Variants in MGMT observed in about 807,000 individuals in gnomAD.
MGMT encodes the protein O-6-methylguanine-DNA methyltransferase.
MGMT carries 14 observed loss-of-function variants against 15.9 expected under a neutral mutation model. The ratio of observed to expected loss-of-function variants is 0.88; its 90% CI spans 0.58 to 1.37. MGMT has a LOEUF of 1.37. Ranked by LOEUF, MGMT falls within the 40% of genes most tolerant of loss-of-function variation. The pLI, the probability that MGMT is intolerant of heterozygous loss-of-function variation, is 0.00. For missense variants in MGMT, 282 were observed against 268.1 expected, an observed-to-expected ratio of 1.05 and a Z score of -0.36; for synonymous variants, 130 against 118.2, an observed-to-expected ratio of 1.10 and a Z score of -0.65.
At chr10:129,763,939 C>A (rs76704313) in intron 4 of MGMT, among the ~76,000 whole-genome samples, 103 of 152,278 alleles carry the variant, frequency 6.8e-4, no homozygotes, top group African/African-American at 2.5e-3. Flanking sequence ...ATGTCATAGT[C>A]GTCAGAAGCC....
At chr10:129,646,485 C>T (rs939675675) in intron 2 of MGMT, among the ~76,000 whole-genome samples, 1 of 151,674 alleles carries the variant, frequency 6.6e-6, no homozygotes, top group Non-Finnish European at 1.5e-5. Flanking sequence ...TCTAAAGTCT[C>T]GACATGATTA....
At chr10:129,582,501 TACA>T (rs1846568458) in intron 2 of MGMT, among the ~76,000 whole-genome samples, 1 of 152,220 alleles carries the variant, frequency 6.6e-6, no homozygotes, top group Admixed American at 6.5e-5. Context: ...TTGTTCTCCG[TACA>T]ACGTCTTCCC....
intron 1 of MGMT, among the ~76,000 whole-genome samples, chr10:129,502,758 T>G (rs1472391226): frequency 6.6e-6 from 1 of 151,976 alleles, no homozygotes; most frequent in Non-Finnish European, 1.5e-5. Context: ...GCTTCTCCCT[T>G]TATTCTTTTC....
intron 2 of MGMT, among the ~76,000 whole-genome samples, chr10:129,642,936 GA>G (rs1037054955): frequency 2.7e-5 from 4 of 145,458 alleles, no homozygotes; most frequent in Non-Finnish European, 3.0e-5. Context: ...TGTCTCTTAA[GA>G]AAAAAAAAAG....
At chr10:129,480,104 G>T (rs746566932) in intron 1 of MGMT, among the ~76,000 whole-genome samples, 9 of 152,320 alleles carry the variant, frequency 5.9e-5, no homozygotes, top group Admixed American at 2.6e-4. Context: ...ATGCCTGGAT[G>T]AATAGAAGAC....
chr10:129,471,212 G>A (rs1324148401), intron 1 of MGMT, among the ~76,000 whole-genome samples: 2 of 152,186 alleles, frequency 1.3e-5, no homozygotes, highest in Non-Finnish European at 2.9e-5. Context: ...CAGCGCGGGT[G>A]GCAGTTTTTA....
At position 129,497,953 on chromosome 10, in the gene MGMT, G is replaced by T. The variant is rs148075008; in HGVS notation, c.-13+30657G>T. 4.6e-4 allele frequency among the ~76,000 whole-genome samples: 70 copies of T among 152,338 alleles called. 1 individual carries two copies. Among genetic ancestry groups the T allele is most frequent in the Middle Eastern group, 3.4e-3 (1 of 294 alleles). The stretch of plus-strand genomic sequence containing the variant: ...AGAATGTGCGAGATGAATTTCTGTT[G>T]TTTACAAAGCACCCAGTCTAAGGTA... On this transcript the variant is annotated intron_variant, in intron 1 of 4. Transcript: ENST00000651593.
chr10:129,606,407 T>G (rs1035672546), intron 2 of MGMT, among the ~76,000 whole-genome samples: 2 of 152,158 alleles, frequency 1.3e-5, no homozygotes, highest in African/African-American at 4.8e-5. Context: ...TTGTCTCTTT[T>G]GGTAATTGGT....
rs190459058 is a variant in MGMT at position 129,492,242 on chromosome 10, T to C, written c.-13+24946T>C. Among the ~76,000 whole-genome samples, 26 of 152,282 alleles carry C rather than the reference T, an allele frequency of 1.7e-4. No homozygotes were observed. The East Asian group carries it at 5.0e-3, about 30-fold the overall frequency. ...GCATGGTCTTTTGATTGGAAGCCCA[T>C]GGTCTCTTTCTCCTCAGCCTGTAAA... On this transcript the variant is annotated intron_variant, in intron 1 of 4. Transcript: ENST00000651593.
rs1330735729 is a variant in MGMT at position 129,659,316 on chromosome 10, C to T, written c.126-48579C>T. On this transcript the variant is annotated intron_variant, in intron 2 of 4. Transcript: ENST00000651593. This position sits in a 1 kb window ranked among gnomAD's most constrained non-coding sequence, Gnocchi z 4.1. ...AGGTTGCAGTGAGCCAAGATCGCAC[C>T]ACTGCGCTCCAGCCTGGGTGGCAGA... Among the ~76,000 whole-genome samples, 4 of 150,680 alleles carry T rather than the reference C, an allele frequency of 2.7e-5. No homozygotes were observed.
intron 2 of MGMT, among the ~76,000 whole-genome samples, chr10:129,624,583 G>T (rs1279310607): frequency 1.3e-5 from 2 of 152,214 alleles, no homozygotes; most frequent in Non-Finnish European, 2.9e-5. Flanking sequence ...ACACAGGGAA[G>T]ACACGAAATA....
chr10:129,571,282 C>T (rs72838507), intron 2 of MGMT, among the ~76,000 whole-genome samples: 7 of 152,162 alleles, frequency 4.6e-5, no homozygotes, highest in Non-Finnish European at 1.0e-4. Context: ...TTAAATGATA[C>T]AGGCGATATT....
chr10:129,747,761 C>T lies in MGMT; in HGVS notation c.275-11441C>T, dbSNP rs115047278. On this transcript the variant is annotated intron_variant, in intron 3 of 4. Coordinates refer to ENST00000651593, the MANE Select transcript of MGMT (RefSeq NM_002412.5). ...CCATTCCAGGATCCTGCCTTGGATA[C>T]TGCATTCCTAGCTCCTTTGGCCCCT... is the stretch of plus-strand genomic sequence containing the variant. Among the ~76,000 whole-genome samples, 208 of 152,302 alleles carry T rather than the reference C, an allele frequency of 1.4e-3. 1 individual carries two copies. Among genetic ancestry groups the T allele is most frequent in the African/African-American group, 4.9e-3 (202 of 41,558 alleles).
chr10:129,473,241 C>T (rs1845252444), intron 1 of MGMT, among the ~76,000 whole-genome samples: 1 of 152,298 alleles, frequency 6.6e-6, no homozygotes, highest in East Asian at 1.9e-4. Flanking sequence ...AACGCAGGTC[C>T]GCTGGGTAAA....
At chr10:129,495,827 T>C (rs1463590001) in intron 1 of MGMT, among the ~76,000 whole-genome samples, 1 of 152,232 alleles carries the variant, frequency 6.6e-6, no homozygotes, top group African/African-American at 2.4e-5. Context: ...TGTAAGTTCC[T>C]GCAGAAATAG....
At chr10:129,648,257 C>T (rs982548183) in intron 2 of MGMT, among the ~76,000 whole-genome samples, 17 of 152,258 alleles carry the variant, frequency 1.1e-4, no homozygotes, top group Admixed American at 2.6e-4. Flanking sequence ...TCAATATTCT[C>T]ACACAAATGA....
intron 1 of MGMT, among the ~76,000 whole-genome samples, chr10:129,484,401 A>G (rs906917186): frequency 6.6e-6 from 1 of 152,002 alleles, no homozygotes; most frequent in African/African-American, 2.4e-5. Context: ...TGTACATCCT[A>G]TCGATTGTAT....
intron 2 of MGMT, among the ~76,000 whole-genome samples, chr10:129,586,302 C>T (rs1164910630): frequency 6.6e-6 from 1 of 152,066 alleles, no homozygotes; most frequent in Non-Finnish European, 1.5e-5. Context: ...CTCATCACCC[C>T]CAAAGTTTCC....
At chr10:129,706,690 G>A (rs1375887482) in intron 2 of MGMT, among the ~76,000 whole-genome samples, 1 of 152,180 alleles carries the variant, frequency 6.6e-6, no homozygotes, top group East Asian at 1.9e-4. Context: ...TCCCACGGGG[G>A]TCCACAGCAC....
Sources: gnomAD v4.1 joint callset for allele counts (sites outside exome capture counted in the v4.1 genomes callset) on GRCh38, gnomAD v4.1.1 for gene constraint, Gnocchi (gnomAD v3.1) non-coding constraint, MANE v1.5 for transcripts, NCBI Gene and HGNC (gene_info 2026-07-23, HGNC 2026-07-21) for gene names.